The following FSTL4 variants were observed in gnomAD, a reference collection of about 807,000 sequenced individuals.
FSTL4 encodes the protein follistatin like 4, also known as follistatin-related protein 4.
Under a neutral mutation model 78.2 loss-of-function variants are expected in FSTL4, and 28 were observed. The ratio of observed to expected loss-of-function variants is 0.36; its 90% CI spans 0.27 to 0.49. FSTL4 has a LOEUF of 0.49. Ranked by LOEUF, FSTL4 falls within the 20% of genes least tolerant of loss-of-function variation. The pLI is 0.98. For synonymous variants in FSTL4, 422 were observed against 440.5 expected, an observed-to-expected ratio of 0.96 and a Z score of 0.53; for missense variants, 922 against 1,084.9, an observed-to-expected ratio of 0.85 and a Z score of 2.11.
At chr5:133,804,967 A>G in the FSTL4 span, among the ~76,000 whole-genome samples, 1 of 150,048 alleles carries the variant, frequency 6.7e-6, no homozygotes, top group Non-Finnish European at 1.5e-5. Flanking sequence ...AAAAAATAGA[A>G]CTGCACATGT....
At chr5:133,753,477 C>G in the FSTL4 span, among the ~76,000 whole-genome samples, 1 of 152,128 alleles carries the variant, frequency 6.6e-6, no homozygotes. Context: ...TGCCTGGTTC[C>G]CCCATCAAAT....
chr5:133,750,107 T>A, the FSTL4 span, among the ~76,000 whole-genome samples: 1 of 151,982 alleles, frequency 6.6e-6, no homozygotes, highest in African/African-American at 2.4e-5. Context: ...ATGGATAAAA[T>A]CATATTTTGA....
At chr5:133,531,213 C>G (rs1759245331) in intron 3 of FSTL4, among the ~76,000 whole-genome samples, 1 of 152,172 alleles carries the variant, frequency 6.6e-6, no homozygotes, top group Admixed American at 6.5e-5. Flanking sequence ...ACCTTCTTGT[C>G]AACATGTTCC....
intron 1 of FSTL4, among the ~76,000 whole-genome samples, chr5:133,607,019 G>C (rs1018610073): frequency 6.6e-6 from 1 of 152,096 alleles, no homozygotes; most frequent in Non-Finnish European, 1.5e-5. Flanking sequence ...GGTTTTATCT[G>C]GTTTGTGTTT....
At chr5:133,573,298 C>A (rs1171607272) in intron 2 of FSTL4, among the ~76,000 whole-genome samples, 2 of 151,778 alleles carry the variant, frequency 1.3e-5, no homozygotes, top group African/African-American at 4.8e-5. Context: ...ATAAAACACA[C>A]AAGGATTGGC....
At chr5:133,629,665 A>T in the FSTL4 span, among the ~76,000 whole-genome samples, 2 of 152,236 alleles carry the variant, frequency 1.3e-5, no homozygotes, top group East Asian at 3.8e-4. Flanking sequence ...CATCAAGCTG[A>T]TACTAAAACA....
chr5:133,620,977 G>GTTTA, the FSTL4 span, among the ~76,000 whole-genome samples: 1 of 152,192 alleles, frequency 6.6e-6, no homozygotes, highest in Non-Finnish European at 1.5e-5. Flanking sequence ...GCATATGCAT[G>GTTTA]TTTATAGCAG....
intron 4 of FSTL4, among the ~76,000 whole-genome samples, chr5:133,347,869 G>C (rs1165636520): frequency 2.0e-5 from 3 of 152,104 alleles, no homozygotes. Flanking sequence ...TTCCACTTTA[G>C]AGATGAGGAA....
intron 4 of FSTL4, among the ~76,000 whole-genome samples, chr5:133,375,293 T>TATATATATATATATATATATATATAG (rs1755404948): frequency 8.0e-6 from 1 of 124,840 alleles, no homozygotes; most frequent in Non-Finnish European, 1.8e-5. Context: ...GTGCATGGCA[T>TATATATATATATATATATATATATAG]ATATATATAT....
chr5:133,518,419 A>T (rs982175966), intron 3 of FSTL4, among the ~76,000 whole-genome samples: 14 of 152,246 alleles, frequency 9.2e-5, no homozygotes, highest in Non-Finnish European at 1.6e-4. Flanking sequence ...AAGGCTAATT[A>T]AAACAATGAA....
the FSTL4 span, among the ~76,000 whole-genome samples, chr5:133,720,172 G>A: frequency 1.3e-5 from 2 of 152,160 alleles, no homozygotes; most frequent in South Asian, 4.1e-4. Flanking sequence ...ACTAAAAAAG[G>A]AGATGCTCAT....
At chr5:133,206,911 A>G (rs1014706504) in intron 14 of FSTL4, among the ~76,000 whole-genome samples, 1 of 125,936 alleles carries the variant, frequency 7.9e-6, no homozygotes, top group African/African-American at 3.2e-5. Context: ...TGTATCCTGT[A>G]AATTTTGATA....
At chr5:133,680,209 C>T in the FSTL4 span, among the ~76,000 whole-genome samples, 1 of 152,294 alleles carries the variant, frequency 6.6e-6, no homozygotes, top group South Asian at 2.1e-4. Flanking sequence ...CATTCATTTG[C>T]TTGTATGTTC....
At chr5:133,329,909 C>T (rs1370128023) in intron 4 of FSTL4, among the ~76,000 whole-genome samples, 2 of 152,218 alleles carry the variant, frequency 1.3e-5, no homozygotes, top group Non-Finnish European at 2.9e-5. Flanking sequence ...TGTTACACGA[C>T]ATTCACCCCC....
chr5:133,492,425 C>G (rs1194114844), intron 3 of FSTL4, among the ~76,000 whole-genome samples: 1 of 152,042 alleles, frequency 6.6e-6, no homozygotes, highest in African/African-American at 2.4e-5. Flanking sequence ...TTTATGTAAC[C>G]TCTTCAGTAA....
At chr5:133,755,106 T>C in the FSTL4 span, among the ~76,000 whole-genome samples, 1 of 152,132 alleles carries the variant, frequency 6.6e-6, no homozygotes, top group Non-Finnish European at 1.5e-5. Flanking sequence ...GACCTCTTCG[T>C]TGCCAACTCC....
the FSTL4 span, among the ~76,000 whole-genome samples, chr5:133,664,837 T>C: frequency 6.6e-6 from 1 of 152,194 alleles, no homozygotes; most frequent in Non-Finnish European, 1.5e-5. Context: ...ACTTCAAACA[T>C]AGATGAAAAA....
intron 12 of FSTL4, among the ~76,000 whole-genome samples, chr5:133,218,219 G>T (rs1750978413): frequency 6.6e-6 from 1 of 152,140 alleles, no homozygotes; most frequent in Non-Finnish European, 1.5e-5. Flanking sequence ...CATCCTTGAT[G>T]CCTCTAACCT....
rs182097796 is a variant in FSTL4 at position 133,543,682 on chromosome 5, T to A, written c.160+23504A>T. On this transcript the variant is annotated intron_variant, in intron 3 of 15. Transcript: ENST00000265342. ...AGCCTTTATCCTTGTATTTTAGATA[T>A]GTTTGTTTGTTTGTCAAATAGCTGG... 2.1e-3 allele frequency among the ~76,000 whole-genome samples: 324 copies of A among 152,228 alleles called. 1 individual carries two copies. The highest frequency in any genetic ancestry group is 7.3e-3 in the African/African-American group (303 of 41,580).
Sources: allele counts gnomAD v4.1 joint callset (sites outside exome capture counted in the v4.1 genomes callset), GRCh38; gene constraint gnomAD v4.1.1; transcripts MANE v1.5; gene names NCBI Gene and HGNC (gene_info 2026-07-23, HGNC 2026-07-21).